The following SLIT2 variants were observed in gnomAD, a reference collection of about 807,000 sequenced individuals.
SLIT2 encodes the protein slit homolog 2 protein.
In SLIT2, 41 loss-of-function variants were observed where a neutral mutation model predicts 185.7. That is an observed-to-expected ratio of 0.22 (90% CI 0.17 to 0.29). The LOEUF is 0.29. Among genes scored for constraint, SLIT2 ranks in the 10% least tolerant of loss-of-function variants. The pLI is 1.00. For synonymous variants in SLIT2, 693 were observed against 680.2 expected (o/e 1.02, Z -0.29); for missense variants, 1,571 against 1,909.0 (o/e 0.82, Z 3.30).
At chr4:20,397,283 T>G (rs1360263508) in intron 4 of SLIT2, among the ~76,000 whole-genome samples, 1 of 151,792 alleles carries the variant, frequency 6.6e-6, no homozygotes, top group Non-Finnish European at 1.5e-5. Flanking sequence ...GTTCATTGTC[T>G]TTGTTTCCCT....
intron 4 of SLIT2, among the ~76,000 whole-genome samples, chr4:20,301,363 A>C (rs537897029): frequency 1.3e-5 from 2 of 152,284 alleles, no homozygotes; most frequent in South Asian, 4.1e-4. Flanking sequence ...GCAGTGAATC[A>C]TGCTTGTAAG....
chr4:20,392,522 G>T (rs1725504725), intron 4 of SLIT2, among the ~76,000 whole-genome samples: 1 of 151,922 alleles, frequency 6.6e-6, no homozygotes, highest in African/African-American at 2.4e-5. Flanking sequence ...TTATTTTTCT[G>T]CAATAATAAA....
At position 20,254,088 on chromosome 4, in the gene SLIT2, G is replaced by T. The variant is rs1175805913; in HGVS notation, c.179+94G>T. On this transcript the variant is annotated intron_variant, in intron 1 of 36. Transcript: ENST00000504154. This position sits in a 1 kb window ranked among gnomAD's most constrained non-coding sequence, Gnocchi z 5.1. Reference sequence around the variant, plus strand: ...CCTGTCAGCTCAGGGTCCTGTGCCTGGGGCAGCCCTCGCTAGCTCTCCCCC... The same window carrying T: ...CCTGTCAGCTCAGGGTCCTGTGCCTTGGGCAGCCCTCGCTAGCTCTCCCCC... 1 of 1,309,330 alleles carries T rather than the reference G, an allele frequency of 7.6e-7. No individual in the cohort carries two copies. The highest frequency in any genetic ancestry group is 1.1e-6 in the Non-Finnish European group (1 of 945,494). The allele number at this position is 1,309,330 out of a possible 1,614,324, so 81.1% of individuals were successfully genotyped here. A position where few individuals can be genotyped will look rare whatever the true frequency, so the allele number is the denominator to read the frequency against.
chr4:20,272,723 A>T (rs1713754849), intron 4 of SLIT2, among the ~76,000 whole-genome samples: 1 of 152,118 alleles, frequency 6.6e-6, no homozygotes, highest in Non-Finnish European at 1.5e-5. Context: ...ACTTTTTAGA[A>T]ACTCATTTTT....
chr4:20,381,261 A>G (rs1051263807), intron 4 of SLIT2, among the ~76,000 whole-genome samples: 2 of 152,098 alleles, frequency 1.3e-5, no homozygotes, highest in African/African-American at 2.4e-5. Context: ...CAAAAAATAA[A>G]AAAAAACAAA....
At chr4:20,281,061 C>G (rs79053067) in intron 4 of SLIT2, among the ~76,000 whole-genome samples, 7,521 of 152,132 alleles carry the variant, frequency 0.049, 430 homozygotes, top group East Asian at 0.21. Context: ...TCAAACTTCA[C>G]ACCTCAGGTG....
intron 4 of SLIT2, among the ~76,000 whole-genome samples, chr4:20,359,375 T>C (rs1722571860): frequency 1.3e-5 from 2 of 152,098 alleles, no homozygotes; most frequent in South Asian, 4.2e-4. Flanking sequence ...GAGCCAGTAT[T>C]ACAAAGGGCT....
At chr4:20,295,975 G>A (rs996492104) in intron 4 of SLIT2, among the ~76,000 whole-genome samples, 25 of 152,218 alleles carry the variant, frequency 1.6e-4, no homozygotes, top group Non-Finnish European at 3.2e-4. Context: ...GATGGCCAGT[G>A]CCATATATGA....
Position 20,620,050 on chromosome 4 carries a change from G to A in SLIT2, c.*1041G>A, listed in dbSNP as rs1729967508. On this transcript the variant is annotated 3_prime_UTR_variant, in exon 37 of 37. Transcript: ENST00000504154. Reference sequence around the variant, plus strand: ...GCCTCATTCAGGACACCTGCAGAGAGTATGCAAAGTCCGAGAGAGGAAAAC... The same window carrying A: ...GCCTCATTCAGGACACCTGCAGAGAATATGCAAAGTCCGAGAGAGGAAAAC... 5.1e-6 allele frequency: 1 copy of A among 196,588 alleles called. No homozygotes were observed. The highest frequency in any genetic ancestry group is 2.4e-5 in the African/African-American group (1 of 42,398). The allele number at this position is 196,588 out of a possible 1,614,324, so 12.2% of individuals were successfully genotyped here.
rs187272277 is a variant in SLIT2, at chr4:20,619,389, A to C, written c.*380A>C. ...GCATAAAACCTGTGTACCCTCCTTCACATCAACCAAGTTCACTAGGACATA... is the reference window on the plus strand; with the variant it reads ...GCATAAAACCTGTGTACCCTCCTTCCCATCAACCAAGTTCACTAGGACATA... On this transcript the variant is annotated 3_prime_UTR_variant, in exon 37 of 37. Coordinates refer to ENST00000504154, the MANE Select transcript of SLIT2 (RefSeq NM_004787.4). 377 of 158,276 alleles carry C rather than the reference A, an allele frequency of 2.4e-3. 2 individuals carry two copies. The highest frequency in any genetic ancestry group is 3.6e-3 in the Non-Finnish European group (258 of 71,904). The allele number at this position is 158,276 out of a possible 1,614,324, so 9.8% of individuals were successfully genotyped here. A position where few individuals can be genotyped will look rare whatever the true frequency, so the allele number is the denominator to read the frequency against.
chr4:20,324,813 G>T (rs1719418960), intron 4 of SLIT2, among the ~76,000 whole-genome samples: 2 of 152,208 alleles, frequency 1.3e-5, no homozygotes, highest in South Asian at 4.1e-4. Context: ...TACTTTGATT[G>T]TGGTGATGGT....
At chr4:20,440,483 G>A (rs1729664334) in intron 4 of SLIT2, among the ~76,000 whole-genome samples, 1 of 151,920 alleles carries the variant, frequency 6.6e-6, no homozygotes, top group African/African-American at 2.4e-5. Flanking sequence ...CTGCAGGTCT[G>A]TAAATAGCAC....
At chr4:20,481,592 T>C (rs1211082771) in intron 6 of SLIT2, among the ~76,000 whole-genome samples, 1 of 152,074 alleles carries the variant, frequency 6.6e-6, no homozygotes, top group Non-Finnish European at 1.5e-5. Flanking sequence ...CTTGAGAAAA[T>C]TTAGTCAGAA....
chr4:20,612,896 C>T (rs1041157658), intron 34 of SLIT2, among the ~76,000 whole-genome samples: 7 of 126,388 alleles, frequency 5.5e-5, no homozygotes, highest in African/African-American at 9.5e-5. Flanking sequence ...CCAGCCTGGG[C>T]GACAATGGGA....
At chr4:20,539,681 C>A in intron 19 of SLIT2, 97 bp downstream of exon 19, 1 of 846,108 alleles carries the variant, frequency 1.2e-6, no homozygotes. Context: ...AAAATGTGAT[C>A]AAGGGTTTTA....
At chr4:20,451,974 C>T (rs1021992555) in intron 4 of SLIT2, among the ~76,000 whole-genome samples, 6 of 152,144 alleles carry the variant, frequency 3.9e-5, no homozygotes, top group African/African-American at 9.7e-5. Flanking sequence ...AAAGCATTTG[C>T]GTTACGTTAA....
intron 4 of SLIT2, among the ~76,000 whole-genome samples, chr4:20,299,054 G>A (rs1423451479): frequency 2.6e-5 from 4 of 152,048 alleles, no homozygotes; most frequent in Non-Finnish European, 5.9e-5. Flanking sequence ...AATGCAATTT[G>A]ACAATGTAAT....
intron 30 of SLIT2, among the ~76,000 whole-genome samples, chr4:20,591,147 G>A (rs1727486347): frequency 6.6e-6 from 1 of 152,120 alleles, no homozygotes; most frequent in South Asian, 2.1e-4. Context: ...GTCCTTTATA[G>A]CTATTCACCT....
rs148700163 is a variant in SLIT2 at position 20,468,957 on chromosome 4, T to C, written c.467+1134T>C. Among the ~76,000 whole-genome samples, 675 of 152,198 alleles carry C rather than the reference T, an allele frequency of 4.4e-3. 5 individuals carry two copies. Among genetic ancestry groups the C allele is most frequent in the African/African-American group, 0.015 (638 of 41,542 alleles). ...TGGCCTCTATGTGTTCTCCTTAATG[T>C]AAATGATTTTTTGAACTTGCACTTT... On this transcript the variant is annotated intron_variant, in intron 5 of 36. Transcript: ENST00000504154.
Sources: allele counts gnomAD v4.1 joint callset (sites outside exome capture counted in the v4.1 genomes callset), GRCh38; gene constraint gnomAD v4.1.1; non-coding constraint Gnocchi (gnomAD v3.1); transcripts MANE v1.5; gene names NCBI Gene and HGNC (gene_info 2026-07-23, HGNC 2026-07-21).